The following ADORA2B variants were observed in gnomAD, a reference collection of about 807,000 sequenced individuals.
The protein encoded by ADORA2B is adenosine receptor A2b.
In ADORA2B, 18 loss-of-function variants were observed where a neutral mutation model predicts 20.8. The ratio of observed to expected loss-of-function variants is 0.87; its 90% CI spans 0.60 to 1.29. The LOEUF (loss-of-function observed/expected upper bound fraction) is 1.29, where lower values mean the gene tolerates loss of function less well. Ranked by LOEUF, ADORA2B falls within the 50% of genes most tolerant of loss-of-function variation. ADORA2B has a pLI of 0.00. For missense variants in ADORA2B, 441 were observed against 422.7 expected (o/e 1.04, Z -0.38); for synonymous variants, 179 against 178.3 (o/e 1.00, Z -0.03).
At chr17:15,873,000 T>G in the ADORA2B span, among the ~76,000 whole-genome samples, 1 of 152,162 alleles carries the variant, frequency 6.6e-6, no homozygotes, top group Non-Finnish European at 1.5e-5. Context: ...GGGAATGTGT[T>G]CAACTTTTCC....
chr17:15,975,330 T>C lies in ADORA2B; in HGVS notation c.987T>C (p.Gly329=), dbSNP rs1970243365. 3 of 1,611,362 alleles carry C rather than the reference T, an allele frequency of 1.9e-6. No homozygotes were observed. The highest frequency in any genetic ancestry group is 2.2e-5 in the South Asian group (2 of 91,068). The change falls in exon 2 of 2, where the codon GGT becomes GGC. Residue 329 remains glycine (G), a synonymous_variant. Coordinates refer to ENST00000304222, the MANE Select transcript of ADORA2B (RefSeq NM_000676.4). ...NGQAGVQPAL[G]VGL The stretch of plus-strand genomic sequence containing the variant: ...AGGCTGGGGTACAGCCTGCTCTCGG[T>C]GTGGGCCTATGATCTAGGCTCTCGC...
intron 1 of ADORA2B, among the ~76,000 whole-genome samples, chr17:15,962,338 A>G (rs1053939806): frequency 1.3e-5 from 2 of 152,148 alleles, no homozygotes; most frequent in East Asian, 3.9e-4. Flanking sequence ...AAAACAAAAC[A>G]AAACAAAACA....
chr17:15,962,991 C>T (rs1011099466), intron 1 of ADORA2B, among the ~76,000 whole-genome samples: 1 of 152,124 alleles, frequency 6.6e-6, no homozygotes, highest in Non-Finnish European at 1.5e-5. Flanking sequence ...TCCAAAGAGT[C>T]TTGGTTCCTT....
the ADORA2B span, among the ~76,000 whole-genome samples, chr17:15,871,567 G>A: frequency 6.6e-6 from 1 of 152,220 alleles, no homozygotes; most frequent in Non-Finnish European, 1.5e-5. Context: ...TCACGGTTCT[G>A]AAACTGTTTG....
chr17:15,918,558 G>A, the ADORA2B span, among the ~76,000 whole-genome samples: 4 of 152,116 alleles, frequency 2.6e-5, no homozygotes, highest in Non-Finnish European at 2.9e-5. Flanking sequence ...TGCAACCTCC[G>A]CCTTCCGGAT....
chr17:15,877,923 C>T, the ADORA2B span, among the ~76,000 whole-genome samples: 2 of 152,008 alleles, frequency 1.3e-5, no homozygotes, highest in African/African-American at 4.8e-5. Flanking sequence ...TTAGTTATTT[C>T]TTGTCCATCA....
chr17:15,905,464 T>G, the ADORA2B span, among the ~76,000 whole-genome samples: 1 of 152,152 alleles, frequency 6.6e-6, no homozygotes, highest in East Asian at 1.9e-4. Context: ...CACTGCAACC[T>G]CCACCTCCCG....
the ADORA2B span, among the ~76,000 whole-genome samples, chr17:15,920,866 G>A: frequency 6.6e-6 from 1 of 152,254 alleles, no homozygotes; most frequent in Admixed American, 6.5e-5. Flanking sequence ...GAGAAGCACA[G>A]CAGGGGGCCA....
Position 15,974,916 on chromosome 17 carries a change from T to A in ADORA2B, c.573T>A (p.Val191=). 6.2e-7 allele frequency: 1 copy of A among 1,614,182 alleles called. No individual in the cohort carries two copies. The part of the protein sequence containing the change: ...YMVYFNFFGC[V]LPPLLIMLVI... ...TATATTTCAATTTCTTTGGGTGTGT[T>A]CTGCCCCCACTGCTTATAATGCTGG... The change falls in exon 2 of 2, where the codon GTT becomes GTA. Residue 191 remains valine (V), a synonymous_variant. Transcript: ENST00000304222.
the ADORA2B span, among the ~76,000 whole-genome samples, chr17:15,854,455 A>G: frequency 6.6e-6 from 1 of 152,224 alleles, no homozygotes; most frequent in Admixed American, 6.5e-5. Context: ...AAAACTAGGA[A>G]TAGAAGGGCA....
At chr17:15,970,928 A>T (rs1212272374) in intron 1 of ADORA2B, among the ~76,000 whole-genome samples, 3 of 152,194 alleles carry the variant, frequency 2.0e-5, no homozygotes, top group Non-Finnish European at 4.4e-5. Flanking sequence ...GTCATGGGGC[A>T]GAGCTGTCCT....
At chr17:15,870,457 A>G in the ADORA2B span, among the ~76,000 whole-genome samples, 2 of 152,138 alleles carry the variant, frequency 1.3e-5, no homozygotes, top group African/African-American at 4.8e-5. Flanking sequence ...TGGGCATACC[A>G]ATAAAGTTAG....
At chr17:15,858,193 G>A in the ADORA2B span, among the ~76,000 whole-genome samples, 4 of 152,200 alleles carry the variant, frequency 2.6e-5, no homozygotes, top group South Asian at 2.1e-4. Context: ...ACTGTTTTCC[G>A]TAATGGCTAC....
At chr17:15,922,532 G>A in the ADORA2B span, among the ~76,000 whole-genome samples, 22 of 152,132 alleles carry the variant, frequency 1.4e-4, no homozygotes, top group Admixed American at 1.4e-3. Context: ...AGTGAACAGG[G>A]CTGTATTATT....
At chr17:15,938,078 A>G in the ADORA2B span, among the ~76,000 whole-genome samples, 2 of 152,136 alleles carry the variant, frequency 1.3e-5, no homozygotes, top group South Asian at 2.1e-4. Flanking sequence ...GTTGTAGTGG[A>G]TCATATCTGT....
chr17:15,968,921 T>C (rs940198580), intron 1 of ADORA2B, among the ~76,000 whole-genome samples: 13 of 152,128 alleles, frequency 8.5e-5, no homozygotes, highest in Non-Finnish European at 1.6e-4. Context: ...TCACCAAAAC[T>C]TGGGGTTTGG....
the ADORA2B span, among the ~76,000 whole-genome samples, chr17:15,861,492 C>G: frequency 6.6e-6 from 1 of 152,164 alleles, no homozygotes; most frequent in Non-Finnish European, 1.5e-5. Context: ...TGATAAAGCA[C>G]TGAGGAGCCA....
At chr17:15,948,009 CA>C (rs1969831700) in intron 1 of ADORA2B, among the ~76,000 whole-genome samples, 1 of 152,150 alleles carries the variant, frequency 6.6e-6, no homozygotes, top group Non-Finnish European at 1.5e-5. Context: ...TGTGGAACTC[CA>C]GGTGAGAGTA....
chr17:15,889,408 A>G, the ADORA2B span, among the ~76,000 whole-genome samples: 1 of 129,114 alleles, frequency 7.7e-6, no homozygotes, highest in South Asian at 2.3e-4. Context: ...GAAAATGTAG[A>G]AATGCGCAGG....
Sources: gnomAD v4.1 joint callset for allele counts (sites outside exome capture counted in the v4.1 genomes callset) on GRCh38, gnomAD v4.1.1 for gene constraint, MANE v1.5 for transcripts, NCBI Gene and HGNC (gene_info 2026-07-23, HGNC 2026-07-21) for gene names.